STAT3: variants seen among roughly 807,000 people sequenced by gnomAD.
STAT3 encodes the protein signal transducer and activator of transcription 3.
In STAT3, 7 loss-of-function variants were observed where a neutral mutation model predicts 114.3. The ratio of observed to expected loss-of-function variants is 0.06; its 90% confidence interval spans 0.03 to 0.11. The LOEUF is 0.11. Among genes scored for constraint, STAT3 ranks in the 10% least tolerant of loss-of-function variants. The probability of loss-of-function intolerance (pLI) is 1.00; values close to 1 mark genes in which losing one functional copy is unlikely to be tolerated. For synonymous variants in STAT3, 331 were observed against 354.5 expected (o/e 0.93, Z 0.74); for missense variants, 364 against 960.9 (o/e 0.38, Z 8.21).
At chr17:42,361,995 A>G (rs565823195) in intron 1 of STAT3, among the ~76,000 whole-genome samples, 40 of 152,268 alleles carry the variant, frequency 2.6e-4, no homozygotes, top group Non-Finnish European at 1.6e-4. Flanking sequence ...TTGGTGACTG[A>G]CTGAAGGGCA....
chr17:42,329,830 G>C (rs2144779159), intron 11 of STAT3, 54 bp from the exon 12 acceptor site: 1 of 1,601,828 alleles, frequency 6.2e-7, no homozygotes, highest in Non-Finnish European at 8.5e-7. Flanking sequence ...TCTTCAAAAA[G>C]CCTACTTTGA....
chr17:42,361,071 G>C (rs2083484268), intron 1 of STAT3, among the ~76,000 whole-genome samples: 1 of 152,166 alleles, frequency 6.6e-6, no homozygotes, highest in Admixed American at 6.5e-5. Context: ...TCCCCATGAA[G>C]TAATACAGAG....
intron 1 of STAT3, among the ~76,000 whole-genome samples, chr17:42,354,657 A>T (rs2083140879): frequency 6.6e-6 from 1 of 151,308 alleles, no homozygotes; most frequent in Non-Finnish European, 1.5e-5. Context: ...AAATTCAAAA[A>T]TTAGCCAGGC....
At chr17:42,358,422 G>C (rs1292070140) in intron 1 of STAT3, among the ~76,000 whole-genome samples, 1 of 152,154 alleles carries the variant, frequency 6.6e-6, no homozygotes, top group Non-Finnish European at 1.5e-5. Flanking sequence ...GAAGGAGCAA[G>C]AGCTTAACAA....
intron 21 of STAT3, among the ~76,000 whole-genome samples, chr17:42,321,289 T>TA (rs769375316): frequency 3.8e-4 from 58 of 151,274 alleles, no homozygotes; most frequent in Middle Eastern, 6.8e-3. Flanking sequence ...GTGGCTAATT[T>TA]AAAAAAAATT....
intron 8 of STAT3, among the ~76,000 whole-genome samples, chr17:42,336,468 C>T (rs1367074503): frequency 6.6e-6 from 1 of 151,920 alleles, no homozygotes; most frequent in Non-Finnish European, 1.5e-5. Flanking sequence ...TGTGGTGGTG[C>T]ATGCCTGTAG....
At chr17:42,376,266 G>C (rs560145634) in intron 1 of STAT3, among the ~76,000 whole-genome samples, 59 of 152,296 alleles carry the variant, frequency 3.9e-4, no homozygotes, top group Non-Finnish European at 5.9e-4. Flanking sequence ...AATATTTGTT[G>C]CCAATGATAA....
At chr17:42,346,757 C>T in intron 2 of STAT3, 44 bp from the exon 3 acceptor site, 1 of 1,613,640 alleles carries the variant, frequency 6.2e-7, no homozygotes, top group Non-Finnish European at 8.5e-7. Context: ...GAAGCCGACG[C>T]ATACACACAA....
chr17:42,358,724 T>C (rs1326328629), intron 1 of STAT3, among the ~76,000 whole-genome samples: 1 of 152,148 alleles, frequency 6.6e-6, no homozygotes, highest in African/African-American at 2.4e-5. Flanking sequence ...ATTTATTAGC[T>C]ATTTGTCTTT....
chr17:42,354,172 C>CTTTTT lies in STAT3; in HGVS notation c.-23-5638_-23-5634dup, dbSNP rs1212253278. ...TAGTAAGTAGTACAATAATTGTGTTCTTTTTTTTTTTTTTTTTTTTGAGAT... is the reference window on the plus strand; with the variant it reads ...TAGTAAGTAGTACAATAATTGTGTTCTTTTTTTTTTTTTTTTTTTTTTTTTGAGAT... On this transcript the variant is annotated intron_variant, in intron 1 of 23. Coordinates refer to ENST00000264657, the MANE Select transcript of STAT3 (RefSeq NM_139276.3). Among the ~76,000 whole-genome samples, 8 of 108,646 alleles carry CTTTTT rather than the reference C, an allele frequency of 7.4e-5. 1 individual carries two copies. Among genetic ancestry groups the CTTTTT allele is most frequent in the African/African-American group, 1.8e-4 (5 of 28,036 alleles). 71.3% of individuals were successfully genotyped at this position (108,646 alleles called of 152,430 possible).
chr17:42,346,809 AC>A (rs2144994706), intron 2 of STAT3, 96 bp from the exon 3 acceptor site: 1 of 1,563,240 alleles, frequency 6.4e-7, no homozygotes, highest in South Asian at 1.1e-5. Context: ...AAACAAAAAA[AC>A]AAAGCAAACC....
rs375836200 is a variant in STAT3, at chr17:42,325,665, A to G, written c.1365+451T>C. On this transcript the variant is annotated intron_variant, in intron 15 of 23. Coordinates refer to ENST00000264657, the MANE Select transcript of STAT3 (RefSeq NM_139276.3). ...CTGCAACCTCTGCCTCCCAGGTTCA[A>G]GTGATTCTCCTGCCTCAGCCTCCCG... 2.1e-4 allele frequency among the ~76,000 whole-genome samples: 32 copies of G among 152,214 alleles called. 3 individuals are homozygous for G. In the South Asian group the frequency reaches 6.4e-3, roughly 31 times the overall value.
chr17:42,336,175 G>A (rs1325217552), intron 8 of STAT3, among the ~76,000 whole-genome samples: 1 of 152,130 alleles, frequency 6.6e-6, no homozygotes, highest in Admixed American at 6.6e-5. Context: ...TCCAGTGCAG[G>A]CTCTGTATCT....
intron 1 of STAT3, among the ~76,000 whole-genome samples, chr17:42,350,058 A>C (rs75123954): frequency 4.8e-5 from 3 of 62,518 alleles, no homozygotes; most frequent in Non-Finnish European, 1.0e-4. Context: ...TCTGTCTCCA[A>C]AAAAAAAAAA....
chr17:42,317,200 T>C lies in STAT3; in HGVS notation c.2126A>G (p.Lys709Arg), dbSNP rs1265717948. Residue 709 changes from lysine to arginine, a missense_variant, in exon 22 of 24, where the codon AAG (lysine) becomes AGG (arginine). Physicochemically the swap from Lys to Arg is conservative, Grantham distance 26. This residue lies in a region of STAT3 where 1 missense variants were observed against 20.9 expected (regional missense o/e 0.05). Coordinates refer to ENST00000264657, the MANE Select transcript of STAT3 (RefSeq NM_139276.3). ...PGSAAPYLKT[K>R]FICVTPTTCS... ...CACTTACGGTGTCACACAGATAAAC[T>C]TGGTCTTCAGGTATGGGGCAGCGCC... is the stretch of plus-strand genomic sequence containing the variant. 1 of 1,613,910 alleles carries C rather than the reference T, an allele frequency of 6.2e-7. No individual in the cohort carries two copies. Among genetic ancestry groups the C allele is most frequent in the Non-Finnish European group, 8.5e-7 (1 of 1,179,926 alleles).
chr17:42,384,399 G>C (rs945737242), intron 1 of STAT3, among the ~76,000 whole-genome samples: 1 of 152,054 alleles, frequency 6.6e-6, no homozygotes, highest in Non-Finnish European at 1.5e-5. Context: ...CAAAGTGCTG[G>C]GATTACAGGC....
chr17:42,335,770 T>C (rs1209455936), intron 8 of STAT3, among the ~76,000 whole-genome samples: 1 of 152,042 alleles, frequency 6.6e-6, no homozygotes, highest in Non-Finnish European at 1.5e-5. Context: ...AGGTTGTGAC[T>C]AAGAATCGCT....
intron 1 of STAT3, among the ~76,000 whole-genome samples, chr17:42,374,568 C>T (rs777537644): frequency 3.8e-4 from 56 of 149,076 alleles, no homozygotes; most frequent in South Asian, 8.4e-4. Context: ...TGAGATCGTG[C>T]CATTGCACTC....
intron 4 of STAT3, among the ~76,000 whole-genome samples, chr17:42,343,661 G>T (rs2082557790): frequency 6.6e-6 from 1 of 151,746 alleles, no homozygotes; most frequent in African/African-American, 2.4e-5. Context: ...CATCATGTTG[G>T]CCAGGATGGT....
Sources: gnomAD v4.1 joint callset for allele counts (sites outside exome capture counted in the v4.1 genomes callset) on GRCh38, gnomAD v4.1.1 for gene constraint, gnomAD v4.1.1 regional missense constraint, MANE v1.5 for transcripts, NCBI Gene and HGNC (gene_info 2026-07-23, HGNC 2026-07-21) for gene names.